GIGYF2: variants seen among roughly 807,000 people sequenced by gnomAD.
The protein encoded by GIGYF2 is GRB10-interacting GYF protein 2.
Under a neutral mutation model 208.1 loss-of-function variants are expected in GIGYF2, and 25 were observed. The observed-to-expected ratio is 0.12, with a 90% CI of 0.09 to 0.17. The LOEUF (loss-of-function observed/expected upper bound fraction) is 0.17. Ranked by LOEUF, GIGYF2 falls within the 10% of genes least tolerant of loss-of-function variation. The probability of loss-of-function intolerance (pLI) is 1.00; values close to 1 mark genes in which losing one functional copy is unlikely to be tolerated. For missense variants in GIGYF2, 1,302 were observed against 1,579.4 expected (o/e 0.82, Z 2.98); for synonymous variants, 534 against 543.8 (o/e 0.98, Z 0.25).
At chr2:232,757,287 A>G (rs1698585767) in intron 6 of GIGYF2, among the ~76,000 whole-genome samples, 1 of 151,734 alleles carries the variant, frequency 6.6e-6, no homozygotes, top group African/African-American at 2.4e-5. Context: ...AAAAGTCTCC[A>G]CTTGTTTTGC....
Position 232,859,991 on chromosome 2 carries a change from C to G in GIGYF2, c.*3131C>G, listed in dbSNP as rs1690712712. ...ATTCAAGAGAAGGGAGCATGGCCCTCTCCCTGCAACCCCCTCCCCCCCCGC... is the reference window on the plus strand; with the variant it reads ...ATTCAAGAGAAGGGAGCATGGCCCTGTCCCTGCAACCCCCTCCCCCCCCGC... On this transcript the variant is annotated 3_prime_UTR_variant, in exon 29 of 29. Transcript: ENST00000373563. The G allele has an allele frequency of 6.6e-6, 1 of 152,124 alleles. No homozygotes were observed. Among genetic ancestry groups the G allele is most frequent in the Admixed American group, 6.6e-5 (1 of 15,238 alleles). 9.4% of individuals were successfully genotyped at this position (152,124 alleles called of 1,614,324 possible).
At chr2:232,737,471 C>T (rs1167005290) in intron 3 of GIGYF2, among the ~76,000 whole-genome samples, 3 of 152,126 alleles carry the variant, frequency 2.0e-5, no homozygotes, top group African/African-American at 4.8e-5. Context: ...CTGAGGAATG[C>T]AGGTGTAAGT....
intron 2 of GIGYF2, among the ~76,000 whole-genome samples, chr2:232,730,573 C>G (rs1432952302): frequency 6.9e-6 from 1 of 144,652 alleles, no homozygotes; most frequent in Non-Finnish European, 1.5e-5. Context: ...CCACTGCACT[C>G]CAGCCTGGGC....
At chr2:232,856,717 T>G in intron 28 of GIGYF2, 76 bp from the exon 29 acceptor site, 2 of 899,464 alleles carry the variant, frequency 2.2e-6, no homozygotes, top group Non-Finnish European at 3.8e-6. Context: ...CAGACTTACA[T>G]TCCAGCTCAC....
intron 3 of GIGYF2, chr2:232,736,020 C>A (rs1697718368): frequency 1.0e-6 from 1 of 979,264 alleles, no homozygotes; most frequent in East Asian, 1.1e-4. Flanking sequence ...GGGAGTGGTT[C>A]AATAAATGAT....
intron 22 of GIGYF2, among the ~76,000 whole-genome samples, chr2:232,838,481 G>A (rs180801941): frequency 3.3e-4 from 51 of 152,274 alleles, no homozygotes; most frequent in Non-Finnish European, 1.5e-4. Context: ...GCTGAAGCGG[G>A]CTTGAAAGAT....
intron 3 of GIGYF2, among the ~76,000 whole-genome samples, chr2:232,746,899 ATAATCT>A (rs1238436721): frequency 6.6e-6 from 1 of 152,202 alleles, no homozygotes; most frequent in East Asian, 1.9e-4. Flanking sequence ...AGCTGCCTTT[ATAATCT>A]TAATCTTTTG....
chr2:232,841,721 C>T (rs1053809039), intron 23 of GIGYF2, among the ~76,000 whole-genome samples: 19 of 152,018 alleles, frequency 1.2e-4, no homozygotes, highest in Admixed American at 1.2e-3. Context: ...GTAGAAAAAC[C>T]CAAGATGATT....
chr2:232,782,416 T>A (rs1449119133), intron 8 of GIGYF2, among the ~76,000 whole-genome samples: 4 of 152,202 alleles, frequency 2.6e-5, no homozygotes, highest in Non-Finnish European at 5.9e-5. Flanking sequence ...AAGTTGAGCA[T>A]ACTGTGACCT....
Position 232,806,027 on chromosome 2 carries a change from C to T in GIGYF2, c.1640-464C>T, listed in dbSNP as rs2106379677. Among the ~76,000 whole-genome samples, 1 of 151,980 alleles carries T rather than the reference C, an allele frequency of 6.6e-6. No individual in the cohort carries two copies. The highest frequency in any genetic ancestry group is 1.5e-5 in the Non-Finnish European group (1 of 67,984). On this transcript the variant is annotated intron_variant, in intron 14 of 28. Coordinates refer to ENST00000373563, the MANE Select transcript of GIGYF2 (RefSeq NM_001103146.3). This position sits in a 1 kb window ranked among gnomAD's most constrained non-coding sequence, Gnocchi z 4.0. ...TTAGAGAATACTCGTTTTTTCCCCA[C>T]TACCAAGATCAGAGAGCGAATTATA...
chr2:232,708,857 C>A (rs2106252004), intron 2 of GIGYF2, among the ~76,000 whole-genome samples: 1 of 148,692 alleles, frequency 6.7e-6, no homozygotes, highest in East Asian at 2.0e-4. Flanking sequence ...TGTGGTGGCT[C>A]ACACCTGTAA....
intron 8 of GIGYF2, chr2:232,776,603 G>C: frequency 4.4e-6 from 3 of 681,704 alleles, no homozygotes; most frequent in South Asian, 3.3e-5. Context: ...ATAATGTTGT[G>C]GGGGCTGGTT....
intron 21 of GIGYF2, among the ~76,000 whole-genome samples, chr2:232,827,581 C>T (rs1701289029): frequency 6.6e-6 from 1 of 152,174 alleles, no homozygotes; most frequent in African/African-American, 2.4e-5. Context: ...TAGCAATAGT[C>T]CTCATTTTAT....
chr2:232,792,304 G>A (rs1403439883), intron 12 of GIGYF2, among the ~76,000 whole-genome samples: 1 of 152,016 alleles, frequency 6.6e-6, no homozygotes, highest in Admixed American at 6.6e-5. Flanking sequence ...AAACAACCAG[G>A]CTTATTTCTA....
intron 27 of GIGYF2, among the ~76,000 whole-genome samples, chr2:232,849,008 T>A (rs1354483845): frequency 6.6e-6 from 1 of 152,212 alleles, no homozygotes; most frequent in Non-Finnish European, 1.5e-5. Flanking sequence ...CTCCTGTAAT[T>A]GTTATTCTAG....
At chr2:232,701,661 T>C (rs974003622) in intron 1 of GIGYF2, among the ~76,000 whole-genome samples, 9 of 151,860 alleles carry the variant, frequency 5.9e-5, no homozygotes, top group Non-Finnish European at 1.0e-4. Context: ...TGGTCTCAAG[T>C]GATACTCCCG....
At chr2:232,779,578 A>G (rs1469231320) in intron 8 of GIGYF2, among the ~76,000 whole-genome samples, 1 of 152,158 alleles carries the variant, frequency 6.6e-6, no homozygotes, top group African/African-American at 2.4e-5. Flanking sequence ...CCATTTCCAC[A>G]TGTCCAAGCC....
intron 8 of GIGYF2, among the ~76,000 whole-genome samples, chr2:232,777,312 A>G (rs759844252): frequency 6.6e-6 from 1 of 152,246 alleles, no homozygotes; most frequent in East Asian, 1.9e-4. Context: ...TGTACAGTGT[A>G]CAGAAAATGT....
Position 232,817,012 on chromosome 2 carries a change from G to A in GIGYF2, c.2350G>A (p.Glu784Lys). 1.2e-6 allele frequency: 2 copies of A among 1,613,414 alleles called. No homozygotes were observed. Among genetic ancestry groups the A allele is most frequent in the East Asian group, 2.2e-5 (1 of 44,870 alleles). The change falls in exon 20 of 29, where the codon GAA becomes AAA. Residue 784 changes from glutamate to lysine, a missense_variant. Physicochemically the swap from Glu to Lys is moderately conservative, Grantham distance 56 (BLOSUM62 1). Around this residue, in one of 8 missense-constraint regions of GIGYF2, gnomAD observed 701 missense variants for 793.0 expected, o/e 0.88. Transcript: ENST00000373563. ...AGAAAGGAAAAGGCGAGAGGAAGAA[G>A]AACTTGCCCGAAGGAAACAGGTATG... Reference protein sequence around the residue: ...EEERKRREEEELARRKQEEAL... With the variant: ...EEERKRREEEKLARRKQEEAL...
Sources: gnomAD v4.1 joint callset for allele counts (sites outside exome capture counted in the v4.1 genomes callset) on GRCh38, gnomAD v4.1.1 for gene constraint, gnomAD v4.1.1 regional missense constraint, Gnocchi (gnomAD v3.1) non-coding constraint, MANE v1.5 for transcripts, NCBI Gene and HGNC (gene_info 2026-07-23, HGNC 2026-07-21) for gene names.